Variants in TMEM131 observed in about 807,000 individuals in gnomAD.
The protein encoded by TMEM131 is transmembrane protein 131.
In TMEM131, 66 loss-of-function variants were observed where a neutral mutation model predicts 211.6. The ratio of observed to expected loss-of-function variants is 0.31; its 90% CI spans 0.26 to 0.38. TMEM131 has a LOEUF of 0.38. Among genes scored for constraint, TMEM131 ranks in the 10% least tolerant of loss-of-function variants. TMEM131 has a pLI of 1.00. For missense variants in TMEM131, 2,036 were observed against 2,299.3 expected, an observed-to-expected ratio of 0.89 and a Z score of 2.34; for synonymous variants, 844 against 841.3, an observed-to-expected ratio of 1.00 and a Z score of -0.06.
intron 1 of TMEM131, among the ~76,000 whole-genome samples, chr2:97,967,226 T>C (rs958758277): frequency 6.6e-6 from 1 of 152,208 alleles, no homozygotes; most frequent in African/African-American, 2.4e-5. Context: ...AGCTCTCTCC[T>C]GTGGCACACA....
intron 5 of TMEM131, among the ~76,000 whole-genome samples, chr2:97,848,200 G>A (rs1395384013): frequency 2.0e-5 from 3 of 152,136 alleles, no homozygotes; most frequent in Non-Finnish European, 4.4e-5. Flanking sequence ...GGATTTCAAT[G>A]AAAAAGAATA....
intron 1 of TMEM131, among the ~76,000 whole-genome samples, chr2:97,942,370 A>T (rs1337234160): frequency 6.6e-6 from 1 of 151,814 alleles, no homozygotes; most frequent in Non-Finnish European, 1.5e-5. Context: ...AGAAATACCT[A>T]ATGTAAATGA....
chr2:97,772,749 T>G (rs1011920346), intron 32 of TMEM131, among the ~76,000 whole-genome samples: 15 of 151,852 alleles, frequency 9.9e-5, no homozygotes, highest in Non-Finnish European at 1.6e-4. Context: ...TACAAAAAAC[T>G]AGCTGGGCGT....
At chr2:97,948,108 T>C (rs967170588) in intron 1 of TMEM131, among the ~76,000 whole-genome samples, 3 of 152,148 alleles carry the variant, frequency 2.0e-5, no homozygotes, top group African/African-American at 7.2e-5. Context: ...AAAATTTTAG[T>C]GATCTTGAGT....
At chr2:97,797,724 A>G (rs1460509088) in intron 25 of TMEM131, among the ~76,000 whole-genome samples, 1 of 152,260 alleles carries the variant, frequency 6.6e-6, no homozygotes, top group Non-Finnish European at 1.5e-5. Context: ...AAGTCCAAAA[A>G]GGGGCTTTCT....
intron 18 of TMEM131, among the ~76,000 whole-genome samples, chr2:97,810,542 C>T (rs544350798): frequency 6.6e-6 from 1 of 152,276 alleles, no homozygotes; most frequent in African/African-American, 2.4e-5. Context: ...CAGTGCTTGA[C>T]TTTCCTAAGA....
At chr2:97,809,646 A>G (rs1489067069) in intron 19 of TMEM131, 42 bp downstream of exon 19, 9 of 1,483,452 alleles carry the variant, frequency 6.1e-6, no homozygotes, top group African/African-American at 1.4e-5. Flanking sequence ...AGGCAAAGGC[A>G]AAAAACGAGC....
chr2:97,794,009 A>AAC (rs1680636828), intron 29 of TMEM131, among the ~76,000 whole-genome samples: 2 of 149,716 alleles, frequency 1.3e-5, no homozygotes, highest in East Asian at 3.9e-4. Context: ...AAAAAAAAAA[A>AAC]AAAAAACAAA....
At chr2:97,977,098 C>G (rs1218906630) in intron 1 of TMEM131, among the ~76,000 whole-genome samples, 1 of 152,064 alleles carries the variant, frequency 6.6e-6, no homozygotes. Context: ...ATCTTTGTGA[C>G]CTTGCATTAG....
At chr2:97,879,523 G>A (rs975210467) in intron 4 of TMEM131, among the ~76,000 whole-genome samples, 52 of 152,112 alleles carry the variant, frequency 3.4e-4, no homozygotes, top group African/African-American at 1.1e-3. Flanking sequence ...GTCAATAATG[G>A]TACTGTAGTT....
At chr2:97,953,725 G>GGACCATGCACCAGGACA (rs1157183299) in intron 1 of TMEM131, among the ~76,000 whole-genome samples, 3 of 151,958 alleles carry the variant, frequency 2.0e-5, no homozygotes, top group Admixed American at 2.0e-4. Context: ...AAGCTACCGT[G>GGACCATGCACCAGGACA]GACCATGCAC....
chr2:97,867,011 C>A (rs927265802), intron 4 of TMEM131, among the ~76,000 whole-genome samples: 9 of 152,146 alleles, frequency 5.9e-5, no homozygotes, highest in African/African-American at 1.9e-4. Context: ...CAAAAAAATT[C>A]AGATTTTGGA....
At chr2:97,841,540 G>A (rs1177896899) in intron 7 of TMEM131, among the ~76,000 whole-genome samples, 3 of 152,236 alleles carry the variant, frequency 2.0e-5, no homozygotes, top group African/African-American at 4.8e-5. Flanking sequence ...TTCTTTAAAT[G>A]CAGAGCTGCC....
intron 1 of TMEM131, among the ~76,000 whole-genome samples, chr2:97,955,132 C>A (rs1454643934): frequency 1.3e-5 from 2 of 151,742 alleles, no homozygotes; most frequent in East Asian, 3.9e-4. Flanking sequence ...GGACTACACA[C>A]CATAAGCAGA....
intron 35 of TMEM131, chr2:97,762,626 C>T (rs891871286): frequency 5.6e-6 from 1 of 179,588 alleles, no homozygotes; most frequent in South Asian, 1.1e-4. Context: ...TCTCCATTGG[C>T]GTGACTGGGA....
At chr2:97,975,782 C>A (rs1258397416) in intron 1 of TMEM131, among the ~76,000 whole-genome samples, 2 of 145,662 alleles carry the variant, frequency 1.4e-5, no homozygotes, top group Non-Finnish European at 3.0e-5. Context: ...ACCAGCATTA[C>A]TCTAATACTG....
chr2:97,989,252 C>A (rs1573660770), intron 1 of TMEM131, among the ~76,000 whole-genome samples: 2 of 135,890 alleles, frequency 1.5e-5, no homozygotes, highest in African/African-American at 2.8e-5. Flanking sequence ...AATAAATTCT[C>A]AAAACATCAT....
At chr2:97,805,823 T>C in intron 19 of TMEM131, 120 bp from the exon 20 acceptor site, 1 of 933,772 alleles carries the variant, frequency 1.1e-6, no homozygotes, top group Non-Finnish European at 1.5e-6. Context: ...CATCTTAGAA[T>C]GTTCATCAAT....
intron 2 of TMEM131, among the ~76,000 whole-genome samples, chr2:97,923,619 CTTTTT>C (rs1272162549): frequency 5.4e-5 from 6 of 111,014 alleles, no homozygotes; most frequent in African/African-American, 2.3e-4. Context: ...AAGACACTGT[CTTTTT>C]TTTTAAAAAA....
Sources: gnomAD v4.1 joint callset for allele counts (sites outside exome capture counted in the v4.1 genomes callset) on GRCh38, gnomAD v4.1.1 for gene constraint, MANE v1.5 for transcripts, NCBI Gene and HGNC (gene_info 2026-07-23, HGNC 2026-07-21) for gene names.